SHANK2: variants seen among roughly 807,000 people sequenced by gnomAD.
SHANK2 encodes SH3 and multiple ankyrin repeat domains protein 2.
Under a neutral mutation model 133.7 loss-of-function variants are expected in SHANK2, and 43 were observed. That is an observed-to-expected ratio of 0.32 (90% CI 0.25 to 0.41). SHANK2 has a LOEUF of 0.41. Ranked by LOEUF, SHANK2 falls within the 10% of genes least tolerant of loss-of-function variation. SHANK2 has a pLI of 1.00. For synonymous variants in SHANK2, 1,017 were observed against 952.8 expected (o/e 1.07, Z -1.24); for missense variants, 1,994 against 2,235.8 (o/e 0.89, Z 2.18).
intron 17 of SHANK2, among the ~76,000 whole-genome samples, chr11:70,539,393 G>C (rs2059584715): frequency 6.6e-6 from 1 of 152,046 alleles, no homozygotes; most frequent in Non-Finnish European, 1.5e-5. Flanking sequence ...CATCCCAAAT[G>C]GGGGCCAGAC....
intron 14 of SHANK2, among the ~76,000 whole-genome samples, chr11:70,779,686 C>G (rs958599340): frequency 1.8e-4 from 28 of 152,178 alleles, no homozygotes; most frequent in Admixed American, 3.3e-4. Context: ...CCTGAGAAAG[C>G]AGGTCACAGC....
At chr11:70,661,946 T>A in intron 15 of SHANK2, 1 of 790,694 alleles carries the variant, frequency 1.3e-6, no homozygotes, top group East Asian at 2.7e-5. Context: ...GAGTCATACA[T>A]GGTGGGGCGG....
chr11:70,632,657 G>A (rs1355129654), intron 17 of SHANK2, among the ~76,000 whole-genome samples: 6 of 152,034 alleles, frequency 3.9e-5, no homozygotes, highest in African/African-American at 1.2e-4. Flanking sequence ...TGGGCACACA[G>A]CCACATGCTG....
chr11:70,728,668 T>C (rs1555031302), intron 14 of SHANK2, among the ~76,000 whole-genome samples: 1 of 152,226 alleles, frequency 6.6e-6, no homozygotes, highest in African/African-American at 2.4e-5. Context: ...ACACTGACCA[T>C]GGGTGGTCTT....
rs1555149133 is a variant in SHANK2 at position 70,473,194 on chromosome 11, C to A, written c.5225G>T (p.Ser1742Ile). 2 of 1,612,604 alleles carry A rather than the reference C, an allele frequency of 1.2e-6. No homozygotes were observed. The highest frequency in any genetic ancestry group is 1.7e-6 in the Non-Finnish European group (2 of 1,178,718). The change falls in exon 26 of 26, where the codon AGC becomes ATC. Residue 1742 changes from serine to isoleucine, a missense_variant. This residue lies in a region of SHANK2 where 797 missense variants were observed against 907.4 expected (regional missense o/e 0.88). Transcript: ENST00000601538. The surrounding 1 kb of genome is among the most constrained non-coding windows in gnomAD (Gnocchi z 5.9). Reference protein sequence around the residue: ...SPSPALSDVFSLPSQPPSGDL... With the variant: ...SPSPALSDVFILPSQPPSGDL... ...CCCAGAAGGGGGCTGGCTTGGAAGG[C>A]TAAAGACATCTGAGAGAGCGGGAGA...
intron 6 of SHANK2, among the ~76,000 whole-genome samples, chr11:71,102,802 C>T (rs1244928471): frequency 7.2e-5 from 11 of 152,242 alleles, no homozygotes; most frequent in African/African-American, 2.7e-4. Flanking sequence ...AGCCCAGGCC[C>T]TGCCTCTGCC....
chr11:71,120,029 T>A (rs1175759583), intron 3 of SHANK2, among the ~76,000 whole-genome samples: 1 of 152,122 alleles, frequency 6.6e-6, no homozygotes, highest in Non-Finnish European at 1.5e-5. Context: ...AGGAAAGCAA[T>A]TACGGAAAAA....
Position 71,109,163 on chromosome 11 carries a change from A to C in SHANK2, c.592+778T>G, listed in dbSNP as rs555553278. ...TTCCCAGCCCAGGACAGCCCACCTG[A>C]GGGGGCATACTCTGCTTTGCATGGA... On this transcript the variant is annotated intron_variant, in intron 6 of 25. Transcript: ENST00000601538. 3.9e-5 allele frequency among the ~76,000 whole-genome samples: 6 copies of C among 152,182 alleles called. No individual in the cohort carries two copies. In the South Asian group the frequency reaches 1.0e-3, roughly 26 times the overall value.
At chr11:71,199,207 C>T (rs183201194) in intron 2 of SHANK2, among the ~76,000 whole-genome samples, 1 of 152,306 alleles carries the variant, frequency 6.6e-6, no homozygotes, top group African/African-American at 2.4e-5. Flanking sequence ...GAGAAAGTCA[C>T]CAGACCTCTC....
chr11:71,143,983 A>C lies in SHANK2; in HGVS notation c.207+3137T>G, dbSNP rs564480347. ...CTCTTAGGAACTCTTGCTAAAAAAAACCCACTGAACAGTGAATTCCCTCCA... is the reference window on the plus strand; with the variant it reads ...CTCTTAGGAACTCTTGCTAAAAAAACCCCACTGAACAGTGAATTCCCTCCA... On this transcript the variant is annotated intron_variant, in intron 3 of 25. Transcript: ENST00000601538. 4.5e-4 allele frequency among the ~76,000 whole-genome samples: 69 copies of C among 152,158 alleles called. 1 individual carries two copies. Among genetic ancestry groups the C allele is most frequent in the African/African-American group, 1.5e-3 (62 of 41,510 alleles).
chr11:70,830,321 G>A lies in SHANK2; in HGVS notation c.1175-9639C>T, dbSNP rs1555058039. Among the ~76,000 whole-genome samples the A allele has an allele frequency of 6.6e-6, 1 of 152,204 alleles. No homozygotes were observed. Among genetic ancestry groups the A allele is most frequent in the Admixed American group, 6.5e-5 (1 of 15,284 alleles). ...TGCCTGGCTGGGAGGGAAGTTCTGTGTGGACAAATGTTCCGTGTGAGTGTT... is the reference window on the plus strand; with the variant it reads ...TGCCTGGCTGGGAGGGAAGTTCTGTATGGACAAATGTTCCGTGTGAGTGTT... On this transcript the variant is annotated intron_variant, in intron 11 of 25. Coordinates refer to ENST00000601538, the MANE Select transcript of SHANK2 (RefSeq NM_012309.5). This position sits in a 1 kb window ranked among gnomAD's most constrained non-coding sequence, Gnocchi z 4.4.
chr11:70,629,862 C>T (rs1303671164), intron 17 of SHANK2, among the ~76,000 whole-genome samples: 1 of 152,174 alleles, frequency 6.6e-6, no homozygotes, highest in East Asian at 1.9e-4. Flanking sequence ...CCCCTGACAT[C>T]CATTCTAGTC....
At chr11:71,082,217 G>A (rs895778598) in intron 8 of SHANK2, among the ~76,000 whole-genome samples, 1 of 152,190 alleles carries the variant, frequency 6.6e-6, no homozygotes, top group African/African-American at 2.4e-5. Context: ...TCTCCACCTG[G>A]CTGCTGTTCA....
chr11:70,802,394 A>G (rs1948065389), intron 13 of SHANK2, among the ~76,000 whole-genome samples: 1 of 151,966 alleles, frequency 6.6e-6, no homozygotes, highest in African/African-American at 2.4e-5. Flanking sequence ...CCTGTACTGG[A>G]TGGGTCAGGG....
At chr11:70,828,677 G>T (rs1948682333) in intron 11 of SHANK2, among the ~76,000 whole-genome samples, 1 of 152,206 alleles carries the variant, frequency 6.6e-6, no homozygotes, top group African/African-American at 2.4e-5. Context: ...TGCTGGCCTG[G>T]CTGCCTGCCC....
At chr11:70,611,931 G>T (rs1046543281) in intron 17 of SHANK2, among the ~76,000 whole-genome samples, 2 of 119,924 alleles carry the variant, frequency 1.7e-5, no homozygotes, top group Non-Finnish European at 3.2e-5. Context: ...GAGAAGCCTC[G>T]TTCCAAATTT....
chr11:70,681,270 A>C (rs1460298581), intron 15 of SHANK2, among the ~76,000 whole-genome samples: 1 of 152,100 alleles, frequency 6.6e-6, no homozygotes, highest in Non-Finnish European at 1.5e-5. Flanking sequence ...CCCCCTGAAT[A>C]AACAGCTCCT....
intron 3 of SHANK2, among the ~76,000 whole-genome samples, chr11:71,144,693 T>A (rs1286768033): frequency 6.6e-6 from 1 of 152,104 alleles, no homozygotes; most frequent in Non-Finnish European, 1.5e-5. Flanking sequence ...AGAAAAAAAA[T>A]TCCAGCCTTC....
intron 5 of SHANK2, 118 bp downstream of exon 5, chr11:71,113,175 G>A (rs528893966): frequency 1.3e-5 from 12 of 923,870 alleles, no homozygotes; most frequent in Middle Eastern, 2.7e-4. Flanking sequence ...CCAGCCACAC[G>A]CCATGCCAGG....
Sources: allele counts gnomAD v4.1 joint callset (sites outside exome capture counted in the v4.1 genomes callset), GRCh38; gene constraint gnomAD v4.1.1; regional missense constraint gnomAD v4.1.1; non-coding constraint Gnocchi (gnomAD v3.1); transcripts MANE v1.5; gene names NCBI Gene and HGNC (gene_info 2026-07-23, HGNC 2026-07-21).